NCOR1: variants seen among roughly 807,000 people sequenced by gnomAD.
The protein encoded by NCOR1 is protein phosphatase 1, regulatory subunit 109.
NCOR1 carries 63 observed loss-of-function variants against 288.1 expected under a neutral mutation model. The ratio of observed to expected loss-of-function variants is 0.22; its 90% CI spans 0.18 to 0.27. The LOEUF (loss-of-function observed/expected upper bound fraction) is 0.27, where lower values mean the gene tolerates loss of function less well. Ranked by LOEUF, NCOR1 falls within the 10% of genes least tolerant of loss-of-function variation. The pLI is 1.00. For missense variants in NCOR1, 2,397 were observed against 3,019.2 expected (o/e 0.79, Z 4.83); for synonymous variants, 1,007 against 1,065.9 (o/e 0.94, Z 1.08).
At chr17:16,197,321 CAAAA>C (rs1162247518) in intron 1 of NCOR1, among the ~76,000 whole-genome samples, 2 of 126,226 alleles carry the variant, frequency 1.6e-5, no homozygotes, top group Admixed American at 8.0e-5. Flanking sequence ...ACTCCGTCTC[CAAAA>C]AAAAAAAAAG....
At chr17:16,075,481 T>A in intron 27 of NCOR1, 53 bp downstream of exon 27, 3 of 1,571,150 alleles carry the variant, frequency 1.9e-6, no homozygotes, top group Non-Finnish European at 1.7e-6. Flanking sequence ...CCCAAGCCTA[T>A]GTTTTTAGCA....
chr17:16,107,917 T>C (rs1266988505), intron 19 of NCOR1, among the ~76,000 whole-genome samples: 1 of 150,164 alleles, frequency 6.7e-6, no homozygotes, highest in East Asian at 1.9e-4. Flanking sequence ...GAATAATCTA[T>C]AGGAAAAAAA....
In NCOR1 at chr17:16,098,506, C is replaced by T. The variant is rs2152976123; in HGVS notation, c.2691-10G>A. ...GTCCATAGGAAACATTCTGCAATTG[C>T]AATTTAAAAAAAAGATAAATGAATA... On this transcript the variant is annotated splice_polypyrimidine_tract_variant and intron_variant, in intron 20 of 45. Coordinates refer to ENST00000268712, the MANE Select transcript of NCOR1 (RefSeq NM_006311.4). 1 of 1,589,808 alleles carries T rather than the reference C, an allele frequency of 6.3e-7. No individual in the cohort carries two copies. The highest frequency in any genetic ancestry group is 8.5e-7 in the Non-Finnish European group (1 of 1,169,890).
At chr17:16,206,408 C>T (rs546838710) in intron 1 of NCOR1, among the ~76,000 whole-genome samples, 75 of 151,610 alleles carry the variant, frequency 4.9e-4, no homozygotes, top group Non-Finnish European at 6.9e-4. Context: ...TTTTTTGAAA[C>T]GGAGTCTCAC....
At chr17:16,101,021 C>G (rs938346723) in intron 20 of NCOR1, among the ~76,000 whole-genome samples, 1 of 152,162 alleles carries the variant, frequency 6.6e-6, no homozygotes, top group Admixed American at 6.5e-5. Context: ...ACAGAATACA[C>G]GTAACAAGAC....
rs770011272 is a variant in NCOR1, at chr17:16,126,190, G to A, written c.1526C>T (p.Ser509Leu). ...TTTTTCTTCTACTTTTTCTTCTTGC[G>A]AGGGTCGAGCAATTTGCTGCTAGAA... ...RGRNQQIARP[S>L]QEEKVEEKEE... Residue 509 changes from serine to leucine, a missense_variant, in exon 15 of 46, where the codon TCG (serine) becomes TTG (leucine). Ser to Leu is a moderately radical substitution (Grantham distance 145, BLOSUM62 -2). This residue lies in a region of NCOR1 where 113 missense variants were observed against 139.5 expected (regional missense o/e 0.81). Transcript: ENST00000268712. 41 of 1,516,158 alleles carry A rather than the reference G, an allele frequency of 2.7e-5. No homozygotes were observed. The highest frequency in any genetic ancestry group is 1.8e-4 in the Middle Eastern group (1 of 5,686). The allele number at this position is 1,516,158 out of a possible 1,614,324, so 93.9% of individuals were successfully genotyped here. A position where few individuals can be genotyped will look rare whatever the true frequency, so the allele number is the denominator to read the frequency against.
chr17:16,146,562 G>A lies in NCOR1; in HGVS notation c.910-14C>T, dbSNP rs368624551. On this transcript the variant is annotated splice_polypyrimidine_tract_variant and intron_variant, in intron 9 of 45. Transcript: ENST00000268712. ...GATTTTTTGTTCCTATTAAATATCC[G>A]TAGCAAATTAATAATAATTAAACTA... The A allele has an allele frequency of 1.5e-4, 234 of 1,561,118 alleles. No homozygotes were observed. The highest frequency in any genetic ancestry group is 1.5e-4 in the Non-Finnish European group (174 of 1,157,820).
At chr17:16,144,424 GTTTTC>G (rs2077565022) in intron 10 of NCOR1, among the ~76,000 whole-genome samples, 1 of 152,040 alleles carries the variant, frequency 6.6e-6, no homozygotes, top group Non-Finnish European at 1.5e-5. Context: ...TGATAATAAA[GTTTTC>G]TTTTCAACAT....
chr17:16,152,344 C>T (rs903828416), intron 7 of NCOR1, among the ~76,000 whole-genome samples: 6 of 152,046 alleles, frequency 3.9e-5, no homozygotes, highest in Admixed American at 1.3e-4. Context: ...TGATGTTCCC[C>T]GCCCTGTGTC....
intron 44 of NCOR1, 71 bp from the exon 45 acceptor site, chr17:16,035,015 T>C (rs1973928244): frequency 7.0e-7 from 1 of 1,427,386 alleles, no homozygotes; most frequent in Non-Finnish European, 9.6e-7. Context: ...CTAATGATTA[T>C]ATATTGCTAA....
At chr17:16,065,793 A>G in intron 32 of NCOR1, 99 bp from the exon 33 acceptor site, 8 of 1,056,222 alleles carry the variant, frequency 7.6e-6, no homozygotes, top group South Asian at 1.4e-5. Flanking sequence ...TCACATGCTG[A>G]GCTAGTGCAC....
At chr17:16,187,420 T>C (rs2086894664) in intron 2 of NCOR1, among the ~76,000 whole-genome samples, 1 of 151,798 alleles carries the variant, frequency 6.6e-6, no homozygotes, top group Non-Finnish European at 1.5e-5. Flanking sequence ...AACCAAAATG[T>C]CCATCAACTA....
intron 21 of NCOR1, among the ~76,000 whole-genome samples, chr17:16,093,708 C>T (rs1297586422): frequency 6.6e-6 from 1 of 152,096 alleles, no homozygotes; most frequent in Non-Finnish European, 1.5e-5. Context: ...TGTGCTTTGT[C>T]TTCCATATAA....
intron 3 of NCOR1, among the ~76,000 whole-genome samples, chr17:16,179,957 CAAAAAAAAAAAAA>C (rs34531259): frequency 9.3e-5 from 7 of 75,584 alleles, no homozygotes; most frequent in Admixed American, 3.1e-4. Flanking sequence ...GACTCTGTCT[CAAAAAAAAAAAAA>C]AAAAAAAAAC....
chr17:16,147,697 A>G (rs961824038), intron 9 of NCOR1, among the ~76,000 whole-genome samples: 2 of 152,110 alleles, frequency 1.3e-5, no homozygotes, highest in African/African-American at 4.8e-5. Context: ...TTACTCCTAT[A>G]TGTCTTCTGT....
At chr17:16,068,862 C>T (rs1049974093) in intron 31 of NCOR1, among the ~76,000 whole-genome samples, 16 of 151,862 alleles carry the variant, frequency 1.1e-4, no homozygotes, top group South Asian at 4.2e-4. Flanking sequence ...TACAGGAGCG[C>T]GCCACCATGC....
At position 16,127,300 on chromosome 17, in the gene NCOR1, TGTATATATAC is replaced by T. The variant is rs1568195426; in HGVS notation, c.1510-1104_1510-1095del. Among the ~76,000 whole-genome samples the T allele has an allele frequency of 2.5e-3, 259 of 101,604 alleles. 92 individuals are homozygous for T. The highest frequency in any genetic ancestry group is 8.3e-3 in the African/African-American group (245 of 29,386). 66.7% of individuals were successfully genotyped at this position (101,604 alleles called of 152,430 possible). Reference sequence around the variant, plus strand: ...ATATATACGTGTATATATGTATGTATGTATATATACATGTATGTATATATGTATGTATATA... The same window carrying T: ...ATATATACGTGTATATATGTATGTATATGTATGTATATATGTATGTATATA... On this transcript the variant is annotated intron_variant, in intron 14 of 45. Coordinates refer to ENST00000268712, the MANE Select transcript of NCOR1 (RefSeq NM_006311.4).
intron 22 of NCOR1, among the ~76,000 whole-genome samples, chr17:16,086,749 T>A (rs2064293405): frequency 6.6e-6 from 1 of 152,218 alleles, no homozygotes; most frequent in Non-Finnish European, 1.5e-5. Context: ...CTCTCGCCAA[T>A]CACTCTTAGG....
At chr17:16,107,131 G>A (rs1000964066) in intron 19 of NCOR1, among the ~76,000 whole-genome samples, 25 of 151,568 alleles carry the variant, frequency 1.6e-4, no homozygotes, top group Non-Finnish European at 2.6e-4. Context: ...TCCTGACATC[G>A]TGTTCCGCCC....
Sources: gnomAD v4.1 joint callset for allele counts (sites outside exome capture counted in the v4.1 genomes callset) on GRCh38, gnomAD v4.1.1 for gene constraint, gnomAD v4.1.1 regional missense constraint, MANE v1.5 for transcripts, NCBI Gene and HGNC (gene_info 2026-07-23, HGNC 2026-07-21) for gene names.